The following RAPGEF2 variants were observed in gnomAD, a reference collection of about 807,000 sequenced individuals.
The protein encoded by RAPGEF2 is Rap guanine nucleotide exchange factor 2, also known as PDZ domain containing guanine nucleotide exchange factor (GEF) 1.
A neutral mutation model predicts 186.7 loss-of-function variants in RAPGEF2; 54 were observed. That is an observed-to-expected ratio of 0.29 (90% CI 0.23 to 0.36). The LOEUF (loss-of-function observed/expected upper bound fraction) is 0.36, where lower values mean the gene tolerates loss of function less well. RAPGEF2 is among the 10% of genes least tolerant of loss of function. The pLI, the probability that RAPGEF2 is intolerant of heterozygous loss-of-function variation, is 1.00. For synonymous variants in RAPGEF2, 712 were observed against 705.9 expected (o/e 1.01, Z -0.14); for missense variants, 1,532 against 2,045.0 (o/e 0.75, Z 4.84).
intron 1 of RAPGEF2, among the ~76,000 whole-genome samples, chr4:159,121,682 T>C (rs1739698184): frequency 1.3e-5 from 2 of 152,074 alleles, no homozygotes; most frequent in East Asian, 3.9e-4. Flanking sequence ...AAAAAAATTT[T>C]TGGAGAATTG....
chr4:159,296,515 C>T (rs567021832), intron 7 of RAPGEF2, among the ~76,000 whole-genome samples: 2 of 152,286 alleles, frequency 1.3e-5, no homozygotes, highest in African/African-American at 4.8e-5. Flanking sequence ...TGCTCCCTAG[C>T]CGTTCATCTG....
At chr4:159,185,706 G>GT (rs1400049312) in intron 1 of RAPGEF2, among the ~76,000 whole-genome samples, 1 of 152,058 alleles carries the variant, frequency 6.6e-6, no homozygotes, top group Non-Finnish European at 1.5e-5. Context: ...GTATGGAGTT[G>GT]TTTTTTTGGG....
chr4:159,293,867 G>T (rs1368356800), intron 7 of RAPGEF2, among the ~76,000 whole-genome samples: 1 of 152,166 alleles, frequency 6.6e-6, no homozygotes, highest in African/African-American at 2.4e-5. Context: ...TAATGGAAAG[G>T]GAAAGATCAT....
At chr4:159,234,796 G>T (rs186829730) in intron 4 of RAPGEF2, among the ~76,000 whole-genome samples, 1 of 152,068 alleles carries the variant, frequency 6.6e-6, no homozygotes, top group East Asian at 1.9e-4. Flanking sequence ...GTCTTGCTCT[G>T]TTACCCAGGC....
intron 7 of RAPGEF2, among the ~76,000 whole-genome samples, chr4:159,298,380 A>G (rs1039031028): frequency 6.6e-6 from 1 of 152,222 alleles, no homozygotes; most frequent in Non-Finnish European, 1.5e-5. Context: ...AAAGGAGCCA[A>G]AATTACTGTG....
At chr4:159,129,080 A>G (rs1159815794) in intron 1 of RAPGEF2, among the ~76,000 whole-genome samples, 1 of 151,398 alleles carries the variant, frequency 6.6e-6, no homozygotes, top group Non-Finnish European at 1.5e-5. Context: ...TCTGTATTTA[A>G]ATTTGAATGC....
intron 10 of RAPGEF2, among the ~76,000 whole-genome samples, chr4:159,323,178 G>T (rs927955532): frequency 6.6e-6 from 1 of 152,084 alleles, no homozygotes; most frequent in African/African-American, 2.4e-5. Context: ...GCTTTGGGGG[G>T]ACAGAGAAAT....
intron 25 of RAPGEF2, among the ~76,000 whole-genome samples, chr4:159,348,021 GA>G (rs1212103525): frequency 6.6e-6 from 1 of 152,190 alleles, no homozygotes; most frequent in Non-Finnish European, 1.5e-5. Context: ...AGGAGTTGGA[GA>G]CCAGCTTGCC....
intron 1 of RAPGEF2, among the ~76,000 whole-genome samples, chr4:159,122,401 C>G (rs916281546): frequency 6.6e-6 from 1 of 151,892 alleles, no homozygotes; most frequent in Non-Finnish European, 1.5e-5. Context: ...ACTGCTTGAA[C>G]TCAGGAGGCA....
chr4:159,207,224 A>C (rs1041590601), intron 3 of RAPGEF2, among the ~76,000 whole-genome samples: 1 of 152,340 alleles, frequency 6.6e-6, no homozygotes, highest in Non-Finnish European at 1.5e-5. Flanking sequence ...TTACCTTCAC[A>C]TCCTCAAATC....
At chr4:159,135,097 G>A (rs1741578111) in intron 1 of RAPGEF2, among the ~76,000 whole-genome samples, 1 of 152,168 alleles carries the variant, frequency 6.6e-6, no homozygotes, top group Admixed American at 6.5e-5. Context: ...AGGCTGGAGT[G>A]CAGTGGTGTG....
At chr4:159,295,934 T>C (rs1761965491) in intron 7 of RAPGEF2, among the ~76,000 whole-genome samples, 1 of 152,162 alleles carries the variant, frequency 6.6e-6, no homozygotes, top group Non-Finnish European at 1.5e-5. Flanking sequence ...AAGAAGGATG[T>C]ATTTTTCCAT....
intron 4 of RAPGEF2, among the ~76,000 whole-genome samples, chr4:159,223,228 C>A (rs900156115): frequency 6.6e-6 from 1 of 151,900 alleles, no homozygotes; most frequent in African/African-American, 2.4e-5. Flanking sequence ...ATAGGGGTTA[C>A]ATATTTTTGC....
Position 159,346,900 on chromosome 4 carries a change from C to A in RAPGEF2, c.3614C>A (p.Pro1205Gln), listed in dbSNP as rs1730394930. The change falls in exon 25 of 30, where the codon CCA becomes CAA. Residue 1205 changes from proline to glutamine, a missense_variant. Physicochemically the swap from Pro to Gln is moderately conservative, Grantham distance 76 (BLOSUM62 -1). Around this residue, in one of 4 missense-constraint regions of RAPGEF2, gnomAD observed 594 missense variants for 608.5 expected, o/e 0.98. Transcript: ENST00000691494. ...AQSLPQPQQQ[P>Q]PPAHKINQGL... ...TCCCTGCCACAGCCCCAGCAGCAGC[C>A]ACCACCAGCACATAAAATCAACCAG... 1 of 1,614,054 alleles carries A rather than the reference C, an allele frequency of 6.2e-7. No homozygotes were observed. The highest frequency in any genetic ancestry group is 1.3e-5 in the African/African-American group (1 of 74,920).
chr4:159,292,854 A>G (rs1761419010), intron 7 of RAPGEF2, among the ~76,000 whole-genome samples: 2 of 152,326 alleles, frequency 1.3e-5, no homozygotes, highest in African/African-American at 4.8e-5. Context: ...AGTGCTCTCC[A>G]AATTAGAGGG....
At chr4:159,229,942 T>G (rs1223752216) in intron 4 of RAPGEF2, among the ~76,000 whole-genome samples, 1 of 152,206 alleles carries the variant, frequency 6.6e-6, no homozygotes, top group Non-Finnish European at 1.5e-5. Flanking sequence ...ACTCAAAGAT[T>G]GACCAGAAGT....
chr4:159,176,244 T>G (rs1406509809), intron 1 of RAPGEF2, among the ~76,000 whole-genome samples: 1 of 152,090 alleles, frequency 6.6e-6, no homozygotes, highest in Non-Finnish European at 1.5e-5. Context: ...GTGGGGAGCC[T>G]TGGAACGAGG....
chr4:159,353,564 T>C lies in RAPGEF2; in HGVS notation c.4169T>C (p.Leu1390Pro). 1.3e-6 allele frequency: 2 copies of C among 1,569,508 alleles called. No individual in the cohort carries two copies. Among genetic ancestry groups the C allele is most frequent in the Non-Finnish European group, 1.7e-6 (2 of 1,162,376 alleles). ...TVISSPSTEE[L>P]SQDQGDRASL... The stretch of plus-strand genomic sequence containing the variant: ...ATTTCTTCTCCAAGCACAGAGGAAC[T>C]TTCCCAGGATCAGGGGGATCGCGCG... Residue 1390 changes from leucine (L) to proline (P), a missense_variant, in exon 28 of 30, where the codon CTT (leucine) becomes CCT (proline). Transcript: ENST00000691494. This position sits in a 1 kb window ranked among gnomAD's most constrained non-coding sequence, Gnocchi z 4.3.
At chr4:159,250,139 T>C (rs1286999894) in intron 7 of RAPGEF2, among the ~76,000 whole-genome samples, 1 of 152,186 alleles carries the variant, frequency 6.6e-6, no homozygotes, top group Non-Finnish European at 1.5e-5. Flanking sequence ...ACTCAGTAAA[T>C]GATCAGATAT....
Sources: gnomAD v4.1 joint callset for allele counts (sites outside exome capture counted in the v4.1 genomes callset) on GRCh38, gnomAD v4.1.1 for gene constraint, gnomAD v4.1.1 regional missense constraint, Gnocchi (gnomAD v3.1) non-coding constraint, MANE v1.5 for transcripts, NCBI Gene and HGNC (gene_info 2026-07-23, HGNC 2026-07-21) for gene names.